Variants in ASCC3 observed in about 807,000 individuals in gnomAD.
ASCC3 encodes the protein activating signal cointegrator 1 complex subunit 3.
A neutral mutation model predicts 256.3 loss-of-function variants in ASCC3; 158 were observed. That is an observed-to-expected ratio of 0.62 (90% confidence interval 0.54 to 0.70). The LOEUF (loss-of-function observed/expected upper bound fraction) is 0.70. Among genes scored for constraint, ASCC3 ranks in the 30% least tolerant of loss-of-function variants. The probability of loss-of-function intolerance (pLI) is 0.00; values close to 1 mark genes in which losing one functional copy is unlikely to be tolerated. For missense variants in ASCC3, 2,259 were observed against 2,626.0 expected (o/e 0.86, Z 3.05); for synonymous variants, 948 against 883.4 (o/e 1.07, Z -1.30).
chr6:100,813,854 T>C (rs754648889), intron 4 of ASCC3, among the ~76,000 whole-genome samples: 3 of 151,932 alleles, frequency 2.0e-5, no homozygotes, highest in East Asian at 2.0e-4. Flanking sequence ...GCCACAACTA[T>C]GGGGTTTTCT....
intron 36 of ASCC3, among the ~76,000 whole-genome samples, chr6:100,583,952 T>C (rs149987852): frequency 2.6e-5 from 4 of 152,164 alleles, no homozygotes; most frequent in East Asian, 1.9e-4. Flanking sequence ...GTCTGAGAGA[T>C]AGTTTGTTAT....
At chr6:100,782,338 T>C (rs1455104369) in intron 8 of ASCC3, among the ~76,000 whole-genome samples, 1 of 152,206 alleles carries the variant, frequency 6.6e-6, no homozygotes, top group Non-Finnish European at 1.5e-5. Context: ...TTTGTTTTAA[T>C]TGTGTTTGAG....
chr6:100,602,604 G>A (rs532532476), intron 33 of ASCC3, among the ~76,000 whole-genome samples: 6 of 152,136 alleles, frequency 3.9e-5, no homozygotes, highest in Non-Finnish European at 8.8e-5. Flanking sequence ...TACTGAGGCA[G>A]ATTAAAGGAG....
At position 100,627,684 on chromosome 6, in the gene ASCC3, T is replaced by C. The variant is rs1451527236; in HGVS notation, c.4548A>G (p.Ser1516=). ...KQMGLFNFRP[S]VRPVPLEVHI... is the part of the protein sequence containing the mutation. Reference sequence around the variant, plus strand: ...GAACTTCCAGTGGAACTGGGCGTACTGATGGTCGGAAGTTAAACAAGCCCA... The same window carrying C: ...GAACTTCCAGTGGAACTGGGCGTACCGATGGTCGGAAGTTAAACAAGCCCA... The change falls in exon 29 of 42, where the codon TCA becomes TCG. Residue 1516 remains serine (S), a synonymous_variant. Coordinates refer to ENST00000369162, the MANE Select transcript of ASCC3 (RefSeq NM_006828.4). 2 of 1,613,576 alleles carry C rather than the reference T, an allele frequency of 1.2e-6. No homozygotes were observed. Among genetic ancestry groups the C allele is most frequent in the Admixed American group, 3.3e-5 (2 of 59,902 alleles).
intron 25 of ASCC3, among the ~76,000 whole-genome samples, chr6:100,635,974 T>C (rs1774824161): frequency 1.3e-5 from 2 of 152,170 alleles, no homozygotes; most frequent in African/African-American, 4.8e-5. Flanking sequence ...ACAGTGAAAT[T>C]ATCTATGAAT....
intron 4 of ASCC3, among the ~76,000 whole-genome samples, chr6:100,816,703 G>A (rs1770765075): frequency 6.6e-6 from 1 of 152,088 alleles, no homozygotes; most frequent in African/African-American, 2.4e-5. Flanking sequence ...GCTAATTGAT[G>A]AGAACAGATG....
chr6:100,865,283 A>G (rs1248558082), intron 2 of ASCC3, among the ~76,000 whole-genome samples: 2 of 152,202 alleles, frequency 1.3e-5, no homozygotes, highest in African/African-American at 4.8e-5. Flanking sequence ...TCATCATTAT[A>G]CCACTTTCCT....
At chr6:100,604,605 CT>C (rs879738664) in intron 33 of ASCC3, among the ~76,000 whole-genome samples, 301 of 144,870 alleles carry the variant, frequency 2.1e-3, no homozygotes, top group Non-Finnish European at 1.9e-3. Flanking sequence ...GCCTGGCTAA[CT>C]TTTTTTTTTT....
intron 10 of ASCC3, among the ~76,000 whole-genome samples, chr6:100,739,364 G>T (rs1036659964): frequency 9.2e-5 from 14 of 152,232 alleles, no homozygotes; most frequent in Non-Finnish European, 2.1e-4. Flanking sequence ...GAGGATTTTT[G>T]CACCGAAGCT....
intron 36 of ASCC3, among the ~76,000 whole-genome samples, chr6:100,583,597 C>G (rs958349540): frequency 6.6e-6 from 1 of 152,110 alleles, no homozygotes; most frequent in Non-Finnish European, 1.5e-5. Context: ...TTGAGTTCTA[C>G]TCTGATTTTA....
chr6:100,812,943 T>C (rs1030378780), intron 4 of ASCC3, among the ~76,000 whole-genome samples: 3 of 125,598 alleles, frequency 2.4e-5, no homozygotes, highest in Non-Finnish European at 5.6e-5. Flanking sequence ...ATTGAATGGA[T>C]GGATGGATGG....
At position 100,805,880 on chromosome 6, in the gene ASCC3, G is replaced by A; in HGVS notation, c.802C>T (p.Leu268=). 1 of 1,610,030 alleles carries A rather than the reference G, an allele frequency of 6.2e-7. No individual in the cohort carries two copies. The highest frequency in any genetic ancestry group is 8.5e-7 in the Non-Finnish European group (1 of 1,178,104). The change falls in exon 5 of 42, where the codon CTA becomes TTA. Residue 268 remains leucine, a splice_region_variant and synonymous_variant. Coordinates refer to ENST00000369162, the MANE Select transcript of ASCC3 (RefSeq NM_006828.4). ...CCTTCAGGTCCCAGCAGTTCAAATAGCTTATAAAAAGAGAAAAAAGTAACA... is the reference window on the plus strand; with the variant it reads ...CCTTCAGGTCCCAGCAGTTCAAATAACTTATAAAAAGAGAAAAAAGTAACA... ...IKSGDELQDE[L]FELLGPEGLE...
intron 19 of ASCC3, 124 bp downstream of exon 19, chr6:100,651,436 G>C: frequency 2.5e-6 from 1 of 392,714 alleles, no homozygotes; most frequent in Non-Finnish European, 4.6e-6. Context: ...GTTAAATGAA[G>C]AACATTGCTG....
intron 22 of ASCC3, among the ~76,000 whole-genome samples, chr6:100,645,429 G>A (rs538450376): frequency 1.3e-5 from 2 of 152,090 alleles, no homozygotes; most frequent in East Asian, 3.9e-4. Flanking sequence ...TAAGACCAAC[G>A]TAGAATTGGG....
intron 8 of ASCC3, among the ~76,000 whole-genome samples, chr6:100,770,028 C>G (rs906988018): frequency 6.6e-6 from 1 of 151,654 alleles, no homozygotes; most frequent in African/African-American, 2.4e-5. Flanking sequence ...GAAATAATAT[C>G]AATTTTAAGT....
In ASCC3 at chr6:100,601,942, A is replaced by G. The variant is rs1268985294; in HGVS notation, c.5178-7T>C. The G allele has an allele frequency of 2.5e-6, 4 of 1,611,538 alleles. No individual in the cohort carries two copies. The highest frequency in any genetic ancestry group is 2.5e-6 in the Non-Finnish European group (3 of 1,178,394). Reference sequence around the variant, plus strand: ...AGAGAGCACTCCTAATAAACTATATAGTGAACAAGACATGGGAAGCATACA... The same window carrying G: ...AGAGAGCACTCCTAATAAACTATATGGTGAACAAGACATGGGAAGCATACA... On this transcript the variant is annotated splice_region_variant and splice_polypyrimidine_tract_variant and intron_variant, in intron 33 of 41. Coordinates refer to ENST00000369162, the MANE Select transcript of ASCC3 (RefSeq NM_006828.4).
At chr6:100,879,959 A>G (rs1350589585) in intron 1 of ASCC3, among the ~76,000 whole-genome samples, 1 of 152,192 alleles carries the variant, frequency 6.6e-6, no homozygotes, top group African/African-American at 2.4e-5. Context: ...TCTTAAAAGG[A>G]GGCTGCTGGA....
At chr6:100,815,692 C>T (rs2114401920) in intron 4 of ASCC3, among the ~76,000 whole-genome samples, 1 of 152,134 alleles carries the variant, frequency 6.6e-6, no homozygotes, top group South Asian at 2.1e-4. Flanking sequence ...ATAAATGGTG[C>T]TAGAATAACT....
At chr6:100,552,300 A>G (rs1769339519) in intron 36 of ASCC3, among the ~76,000 whole-genome samples, 1 of 151,976 alleles carries the variant, frequency 6.6e-6, no homozygotes, top group Non-Finnish European at 1.5e-5. Context: ...GTAAAATAAA[A>G]TTTAATTAAC....
Sources: gnomAD v4.1 joint callset for allele counts (sites outside exome capture counted in the v4.1 genomes callset) on GRCh38, gnomAD v4.1.1 for gene constraint, MANE v1.5 for transcripts, NCBI Gene and HGNC (gene_info 2026-07-23, HGNC 2026-07-21) for gene names.